PACRG: variants seen among roughly 807,000 people sequenced by gnomAD.
The protein encoded by PACRG is parkin coregulated.
PACRG carries 29 observed loss-of-function variants against 29.7 expected under a neutral mutation model. That is an observed-to-expected ratio of 0.98 (90% CI 0.73 to 1.33). The LOEUF is 1.33. PACRG is among the 40% of genes most tolerant of loss of function. PACRG has a pLI of 0.00. For missense variants in PACRG, 279 were observed against 316.2 expected (o/e 0.88, Z 0.89); for synonymous variants, 116 against 118.7 (o/e 0.98, Z 0.15).
chr6:163,314,714 C>G, intron 4 of PACRG, 113 bp from the exon 5 acceptor site: 1 of 1,186,636 alleles, frequency 8.4e-7, no homozygotes, highest in Non-Finnish European at 1.1e-6. Flanking sequence ...GTGTAAAAAT[C>G]TTGCATGTTT....
At chr6:162,882,449 C>G (rs147668865) in intron 2 of PACRG, among the ~76,000 whole-genome samples, 1,540 of 152,164 alleles carry the variant, frequency 0.01, 24 homozygotes, top group African/African-American at 0.034. Flanking sequence ...GCTCTCTCTA[C>G]CAAGACTATA....
chr6:162,877,977 T>C (rs1308064678), intron 2 of PACRG, among the ~76,000 whole-genome samples: 2 of 152,230 alleles, frequency 1.3e-5, no homozygotes, highest in African/African-American at 4.8e-5. Context: ...TCTTACAACA[T>C]TATTTTTGGA....
intron 4 of PACRG, among the ~76,000 whole-genome samples, chr6:163,300,419 C>T (rs1038627972): frequency 7.3e-5 from 11 of 151,512 alleles, no homozygotes; most frequent in South Asian, 2.1e-4. Context: ...GAGAAGGTGG[C>T]GGTAGATGCG....
chr6:162,993,687 C>G (rs1803676069), intron 2 of PACRG, among the ~76,000 whole-genome samples: 1 of 59,050 alleles, frequency 1.7e-5, no homozygotes, highest in Admixed American at 2.2e-4. Flanking sequence ...GGTCTTGACT[C>G]TTTATCCAAC....
chr6:162,956,763 A>G (rs1380837882), intron 2 of PACRG, among the ~76,000 whole-genome samples: 4 of 152,142 alleles, frequency 2.6e-5, no homozygotes, highest in Non-Finnish European at 5.9e-5. Flanking sequence ...CATCAGTCAT[A>G]CTAGGTTAGG....
At chr6:163,193,938 G>C (rs1274180599) in intron 4 of PACRG, among the ~76,000 whole-genome samples, 1 of 147,042 alleles carries the variant, frequency 6.8e-6, no homozygotes, top group Admixed American at 6.9e-5. Flanking sequence ...TGTCACCCAG[G>C]CTGGAGTGCA....
intron 4 of PACRG, among the ~76,000 whole-genome samples, chr6:163,302,517 C>G (rs532626807): frequency 7.2e-5 from 11 of 152,302 alleles, no homozygotes; most frequent in African/African-American, 2.6e-4. Flanking sequence ...AACTCCGTCA[C>G]TTTCAGAGCA....
intron 4 of PACRG, among the ~76,000 whole-genome samples, chr6:163,229,102 G>A (rs1381752911): frequency 6.6e-6 from 1 of 152,186 alleles, no homozygotes; most frequent in Non-Finnish European, 1.5e-5. Context: ...GCTCATACCT[G>A]TAGTCCCAAT....
At chr6:163,168,723 TA>T (rs1169274574) in intron 4 of PACRG, among the ~76,000 whole-genome samples, 4 of 152,214 alleles carry the variant, frequency 2.6e-5, no homozygotes, top group African/African-American at 9.7e-5. Flanking sequence ...AGAACAAATT[TA>T]AAGTTCTTTT....
intron 2 of PACRG, among the ~76,000 whole-genome samples, chr6:163,001,447 A>G (rs920036200): frequency 6.6e-6 from 1 of 152,160 alleles, no homozygotes; most frequent in Non-Finnish European, 1.5e-5. Flanking sequence ...AGTTTTTTAT[A>G]ATGAAGTGGG....
chr6:163,082,125 G>T (rs1813141529), intron 3 of PACRG, among the ~76,000 whole-genome samples: 1 of 152,162 alleles, frequency 6.6e-6, no homozygotes, highest in African/African-American at 2.4e-5. Flanking sequence ...CCTTTAGGAA[G>T]AATATTGGGA....
At chr6:163,298,692 C>T (rs1014372355) in intron 4 of PACRG, among the ~76,000 whole-genome samples, 1 of 152,180 alleles carries the variant, frequency 6.6e-6, no homozygotes, top group African/African-American at 2.4e-5. Flanking sequence ...CCTTCCACTC[C>T]ATAGCTATTA....
chr6:162,904,450 C>A (rs537064830), intron 2 of PACRG, among the ~76,000 whole-genome samples: 11 of 149,456 alleles, frequency 7.4e-5, no homozygotes, highest in African/African-American at 2.4e-4. Context: ...CCTGGGAGCA[C>A]GTGGAGTGAG....
At chr6:163,090,286 C>T (rs1813981302) in intron 4 of PACRG, 1 of 152,200 alleles carries the variant, frequency 6.6e-6, no homozygotes, top group Non-Finnish European at 1.5e-5. Context: ...ATTATGTCTG[C>T]TCCAGGCATA....
At chr6:162,804,786 A>G (rs1020998025) in intron 1 of PACRG, among the ~76,000 whole-genome samples, 4 of 151,976 alleles carry the variant, frequency 2.6e-5, no homozygotes, top group Admixed American at 1.3e-4. Flanking sequence ...TTATTTTTAA[A>G]GACTCTATAG....
chr6:162,914,508 G>GTTTTTTTTTTTTT (rs3028611), intron 2 of PACRG, among the ~76,000 whole-genome samples: 39 of 95,090 alleles, frequency 4.1e-4, no homozygotes, highest in Non-Finnish European at 4.4e-4. Flanking sequence ...GTACTTTTTT[G>GTTTTTTTTTTTTT]TTTTTTTTTT....
intron 4 of PACRG, among the ~76,000 whole-genome samples, chr6:163,218,097 A>G (rs1441824813): frequency 6.6e-6 from 1 of 152,114 alleles, no homozygotes; most frequent in African/African-American, 2.4e-5. Flanking sequence ...GGGGTGTTGT[A>G]TTCTTCATTC....
intron 2 of PACRG, among the ~76,000 whole-genome samples, chr6:162,880,841 C>A (rs1793775170): frequency 6.6e-6 from 1 of 152,204 alleles, no homozygotes; most frequent in African/African-American, 2.4e-5. Flanking sequence ...TGCACGTGGG[C>A]AAGGCTACAT....
intron 4 of PACRG, among the ~76,000 whole-genome samples, chr6:163,233,294 A>G (rs1782117883): frequency 6.6e-6 from 1 of 152,228 alleles, no homozygotes; most frequent in African/African-American, 2.4e-5. Flanking sequence ...GAGATGGCTG[A>G]ACTGATTGAT....
Sources: gnomAD v4.1 joint callset for allele counts (sites outside exome capture counted in the v4.1 genomes callset) on GRCh38, gnomAD v4.1.1 for gene constraint, MANE v1.5 for transcripts, NCBI Gene and HGNC (gene_info 2026-07-23, HGNC 2026-07-21) for gene names.